Variants in TULP3 observed in about 807,000 individuals in gnomAD.
TULP3 encodes the protein TUB like protein 3.
A neutral mutation model predicts 50.7 loss-of-function variants in TULP3; 38 were observed. The observed-to-expected ratio is 0.75, with a 90% CI of 0.58 to 0.98. The LOEUF (loss-of-function observed/expected upper bound fraction) is 0.98. Ranked by LOEUF, TULP3 falls within the 50% of genes least tolerant of loss-of-function variation. TULP3 has a pLI of 0.00. For synonymous variants in TULP3, 183 were observed against 196.6 expected (o/e 0.93, Z 0.58); for missense variants, 550 against 568.0 (o/e 0.97, Z 0.32).
chr12:2,901,627 C>T (rs1482627076), intron 1 of TULP3, among the ~76,000 whole-genome samples: 1 of 152,034 alleles, frequency 6.6e-6, no homozygotes, highest in Non-Finnish European at 1.5e-5. Context: ...AAGTCATATG[C>T]CCGTCTCAGC....
chr12:2,895,334 A>G (rs10848722), intron 1 of TULP3, among the ~76,000 whole-genome samples: 34,096 of 152,084 alleles, frequency 0.22, 3,951 homozygotes, highest in East Asian at 0.36. Context: ...CCCTGGCTTC[A>G]ATTAAGTTAG....
rs2098203947 is a variant in TULP3 at position 2,940,323 on chromosome 12, A to T, written c.*879A>T. On this transcript the variant is annotated 3_prime_UTR_variant, in exon 11 of 11. Coordinates refer to ENST00000448120, the MANE Select transcript of TULP3 (RefSeq NM_003324.5). ...CAGTATTGACCATTTAGTTTAGTTA[A>T]AAAAAAAAAAAAAAAGGTGGCAGGA... 2.9e-5 allele frequency: 3 copies of T among 102,170 alleles called. No individual in the cohort carries two copies. The highest frequency in any genetic ancestry group is 1.0e-4 in the Admixed American group (1 of 9,876). The allele number at this position is 102,170 out of a possible 1,614,324, so 6.3% of individuals were successfully genotyped here. A position where few individuals can be genotyped will look rare whatever the true frequency, so the allele number is the denominator to read the frequency against.
intron 2 of TULP3, 146 bp downstream of exon 2, chr12:2,909,726 G>T: frequency 1.2e-6 from 1 of 859,942 alleles, no homozygotes. Context: ...GCAGTGTCTG[G>T]AGTTAGTGGT....
chr12:2,925,325 T>A (rs1253060028), intron 4 of TULP3, among the ~76,000 whole-genome samples: 4 of 152,144 alleles, frequency 2.6e-5, no homozygotes, highest in African/African-American at 9.7e-5. Context: ...ATCGTTTGAC[T>A]GATGATGGCC....
intron 1 of TULP3, 106 bp downstream of exon 1, chr12:2,891,094 A>T (rs1219433404): frequency 3.8e-6 from 5 of 1,308,408 alleles, no homozygotes; most frequent in Non-Finnish European, 5.1e-6. Flanking sequence ...GGGACTCGGG[A>T]CTTGGCGACT....
At chr12:2,896,922 A>G (rs2098175865) in intron 1 of TULP3, among the ~76,000 whole-genome samples, 1 of 152,208 alleles carries the variant, frequency 6.6e-6, no homozygotes, top group African/African-American at 2.4e-5. Context: ...GGCAGGCAGT[A>G]TTAAATATTC....
In TULP3 at chr12:2,937,683, C is replaced by T; in HGVS notation, c.977C>T (p.Pro326Leu). Reference protein sequence around the residue: ...KGPRKMSVIIPGMTLNHKQIP... With the variant: ...KGPRKMSVIILGMTLNHKQIP... Reference sequence around the variant, plus strand: ...CCTAGGAAAATGTCTGTGATCATTCCTGGAATGACACTGAATCATAAGCAG... The same window carrying T: ...CCTAGGAAAATGTCTGTGATCATTCTTGGAATGACACTGAATCATAAGCAG... Residue 326 changes from proline (P) to leucine (L), a missense_variant, in exon 9 of 11, where the codon CCT (proline) becomes CTT (leucine). Physicochemically the swap from Pro to Leu is moderately conservative, Grantham distance 98. Coordinates refer to ENST00000448120, the MANE Select transcript of TULP3 (RefSeq NM_003324.5). 1 of 1,613,016 alleles carries T rather than the reference C, an allele frequency of 6.2e-7. No homozygotes were observed. The highest frequency in any genetic ancestry group is 1.1e-5 in the South Asian group (1 of 90,854).
At chr12:2,898,438 T>G (rs1022496167) in intron 1 of TULP3, among the ~76,000 whole-genome samples, 1 of 152,110 alleles carries the variant, frequency 6.6e-6, no homozygotes. Context: ...CAGCGGGGAC[T>G]ATAGGCATGC....
At chr12:2,904,247 A>G (rs1014209733) in intron 1 of TULP3, among the ~76,000 whole-genome samples, 1 of 152,108 alleles carries the variant, frequency 6.6e-6, no homozygotes, top group African/African-American at 2.4e-5. Context: ...ATAAAGGTTC[A>G]CCACATTGTC....
chr12:2,927,407 C>T (rs1008192930), intron 4 of TULP3, among the ~76,000 whole-genome samples: 6 of 126,452 alleles, frequency 4.7e-5, no homozygotes, highest in Non-Finnish European at 7.9e-5. Context: ...TGCTCTGTCG[C>T]CCAGGCTAGA....
intron 1 of TULP3, among the ~76,000 whole-genome samples, chr12:2,893,219 G>A (rs2098173243): frequency 6.6e-6 from 1 of 151,858 alleles, no homozygotes; most frequent in Non-Finnish European, 1.5e-5. Flanking sequence ...TGTTTCTCCT[G>A]CCCTCTGTAA....
intron 1 of TULP3, among the ~76,000 whole-genome samples, chr12:2,906,692 G>A (rs569963412): frequency 5.9e-4 from 89 of 151,012 alleles, no homozygotes; most frequent in Middle Eastern, 6.8e-3. Context: ...GAGGTGGGTG[G>A]ATCACCTGAG....
rs746619956 is a variant in TULP3, at chr12:2,931,096, C to T, written c.552C>T (p.Asp184=). The change falls in exon 6 of 11, where the codon GAC becomes GAT. Residue 184 remains aspartate, a synonymous_variant. Coordinates refer to ENST00000448120, the MANE Select transcript of TULP3 (RefSeq NM_003324.5). ...AACCAGCTGATAACCTCCTGGGAGACATAGACGACCTGGAGGACTTTGTGT... is the reference window on the plus strand; with the variant it reads ...AACCAGCTGATAACCTCCTGGGAGATATAGACGACCTGGAGGACTTTGTGT... ...AAQPADNLLG[D]IDDLEDFVYS... 6.2e-7 allele frequency: 1 copy of T among 1,614,158 alleles called. No homozygotes were observed. Among genetic ancestry groups the T allele is most frequent in the Non-Finnish European group, 8.5e-7 (1 of 1,180,042 alleles).
chr12:2,940,703 G>C lies in TULP3; in HGVS notation c.*1259G>C. On this transcript the variant is annotated 3_prime_UTR_variant, in exon 11 of 11. Coordinates refer to ENST00000448120, the MANE Select transcript of TULP3 (RefSeq NM_003324.5). The stretch of plus-strand genomic sequence containing the variant: ...CCTCTCACCTCCGCCTGTTGTTCCT[G>C]CACCACATCAGATAAGCATGTGAAG... The C allele has an allele frequency of 6.4e-7, 1 of 1,551,242 alleles. No homozygotes were observed. The highest frequency in any genetic ancestry group is 2.4e-5 in the East Asian group (1 of 40,920).
At chr12:2,919,819 T>C in intron 2 of TULP3, among the ~76,000 whole-genome samples, 1 of 151,982 alleles carries the variant, frequency 6.6e-6, no homozygotes, top group Non-Finnish European at 1.5e-5. Flanking sequence ...ATAGTCTTTA[T>C]CTTGCTTTTA....
intron 6 of TULP3, among the ~76,000 whole-genome samples, chr12:2,932,100 G>A (rs912326360): frequency 1.3e-5 from 2 of 152,200 alleles, no homozygotes; most frequent in Non-Finnish European, 2.9e-5. Context: ...TGCCTATATA[G>A]GATGGTATTC....
At chr12:2,898,166 TTC>T (rs1018667029) in intron 1 of TULP3, among the ~76,000 whole-genome samples, 3 of 151,634 alleles carry the variant, frequency 2.0e-5, no homozygotes, top group African/African-American at 7.2e-5. Context: ...CACAATAACC[TTC>T]TGAGTTAAGT....
At chr12:2,905,093 A>AAAG (rs397697367) in intron 1 of TULP3, among the ~76,000 whole-genome samples, 1 of 151,312 alleles carries the variant, frequency 6.6e-6, no homozygotes, top group African/African-American at 2.4e-5. Flanking sequence ...TCAAAAAAAA[A>AAAG]AGAATATTAA....
intron 8 of TULP3, among the ~76,000 whole-genome samples, chr12:2,936,001 T>C (rs1386032609): frequency 6.6e-6 from 1 of 151,272 alleles, no homozygotes; most frequent in Non-Finnish European, 1.5e-5. Flanking sequence ...GCGTGGTGGC[T>C]CACGCCTGTA....
Sources: allele counts gnomAD v4.1 joint callset (sites outside exome capture counted in the v4.1 genomes callset), GRCh38; gene constraint gnomAD v4.1.1; transcripts MANE v1.5; gene names NCBI Gene and HGNC (gene_info 2026-07-23, HGNC 2026-07-21).